Variants in SP140L observed in about 807,000 individuals in gnomAD.
SP140L encodes nuclear body protein SP140-like protein.
SP140L carries 64 observed loss-of-function variants against 84.3 expected under a neutral mutation model. The observed-to-expected ratio is 0.76, with a 90% CI of 0.62 to 0.94. The LOEUF is 0.94. SP140L is among the 40% of genes least tolerant of loss of function. The probability of loss-of-function intolerance (pLI) is 0.00; values close to 1 mark genes in which losing one functional copy is unlikely to be tolerated. For missense variants in SP140L, 628 were observed against 692.5 expected (o/e 0.91, Z 1.05); for synonymous variants, 242 against 236.9 (o/e 1.02, Z -0.20).
chr2:230,328,621 T>A, intron 1 of SP140L, 136 bp from the exon 2 acceptor site: 1 of 1,161,484 alleles, frequency 8.6e-7, no homozygotes, highest in South Asian at 1.9e-5. Flanking sequence ...TAAGCTATAA[T>A]AATGATTATA....
chr2:230,392,006 C>CACAAAA (rs2061830797), intron 11 of SP140L, 81 bp from the exon 12 acceptor site: 5 of 1,583,284 alleles, frequency 3.2e-6, no homozygotes, highest in Non-Finnish European at 4.3e-6. Context: ...TTGGGTGGCT[C>CACAAAA]TAGATCCAAT....
intron 7 of SP140L, among the ~76,000 whole-genome samples, chr2:230,380,573 C>CT (rs1276109847): frequency 6.6e-6 from 1 of 152,138 alleles, no homozygotes; most frequent in African/African-American, 2.4e-5. Context: ...CCATCGAAAT[C>CT]TTTATCAAGA....
At chr2:230,386,425 A>T (rs774001220) in intron 9 of SP140L, among the ~76,000 whole-genome samples, 1 of 151,870 alleles carries the variant, frequency 6.6e-6, no homozygotes, top group Non-Finnish European at 1.5e-5. Flanking sequence ...GAAATTGAAA[A>T]CTCTGTCACA....
In SP140L at chr2:230,361,663, A is replaced by G. The variant is rs2060721346; in HGVS notation, c.489A>G (p.Glu163=). The change falls in exon 5 of 19, where the codon GAA becomes GAG. Residue 163 remains glutamate (E), a synonymous_variant. Transcript: ENST00000415673. The part of the protein sequence containing the change: ...SFQESDRKER[E]ERPDIKLSLK... The stretch of plus-strand genomic sequence containing the variant: ...AAGAAAGTGATCGAAAAGAAAGGGA[A>G]GAGAGGCCTGACATCAAACTAAGTC... The G allele has an allele frequency of 1.9e-6, 3 of 1,563,248 alleles. No homozygotes were observed. Among genetic ancestry groups the G allele is most frequent in the African/African-American group, 1.4e-5 (1 of 73,576 alleles).
chr2:230,368,943 T>C (rs1354934886), intron 5 of SP140L, among the ~76,000 whole-genome samples: 2 of 152,216 alleles, frequency 1.3e-5, no homozygotes, highest in African/African-American at 2.4e-5. Context: ...GTGAAGCAGT[T>C]TGTTATCTTC....
intron 10 of SP140L, among the ~76,000 whole-genome samples, chr2:230,389,525 CTGAT>C (rs1425612498): frequency 6.6e-6 from 1 of 152,138 alleles, no homozygotes; most frequent in Non-Finnish European, 1.5e-5. Flanking sequence ...AAATGGGAGA[CTGAT>C]TATGGTCTCT....
chr2:230,353,545 A>G (rs2060429860), intron 2 of SP140L, among the ~76,000 whole-genome samples: 1 of 152,062 alleles, frequency 6.6e-6, no homozygotes, highest in African/African-American at 2.4e-5. Flanking sequence ...TTAATGGGAA[A>G]TGTTCTGCTT....
intron 5 of SP140L, among the ~76,000 whole-genome samples, chr2:230,368,866 T>G (rs945155058): frequency 4.6e-5 from 7 of 152,384 alleles, no homozygotes; most frequent in African/African-American, 1.7e-4. Context: ...CTGATTTCAG[T>G]GAATTGTTTC....
rs149440629 is a variant in SP140L, at chr2:230,359,575, A to G, written c.439+443A>G. On this transcript the variant is annotated intron_variant, in intron 4 of 18. Transcript: ENST00000415673. ...TCTGTGGGAGTCAATATCTCTTGTA[A>G]CAACCCCATAGTCATAGCTTTCAGG... 1.3e-4 allele frequency among the ~76,000 whole-genome samples: 20 copies of G among 152,300 alleles called. No homozygotes were observed. The East Asian group carries it at 3.9e-3, about 29-fold the overall frequency.
chr2:230,395,675 C>T (rs1046207258), intron 13 of SP140L, among the ~76,000 whole-genome samples: 1 of 152,222 alleles, frequency 6.6e-6, no homozygotes, highest in Admixed American at 6.5e-5. Context: ...GAGACGCACT[C>T]AGTGACAAGG....
intron 2 of SP140L, among the ~76,000 whole-genome samples, chr2:230,347,835 G>T (rs2060254699): frequency 6.6e-6 from 1 of 152,212 alleles, no homozygotes; most frequent in Non-Finnish European, 1.5e-5. Flanking sequence ...GCCAAATAGG[G>T]TCACCAGCTT....
At chr2:230,399,243 C>T (rs2062199359) in intron 14 of SP140L, among the ~76,000 whole-genome samples, 1 of 152,186 alleles carries the variant, frequency 6.6e-6, no homozygotes, top group African/African-American at 2.4e-5. Flanking sequence ...TGTTCCACAA[C>T]ACATGGATGC....
rs1243156747 is a variant in SP140L, at chr2:230,358,978, T to C, written c.285T>C (p.Ser95=). ...TNKMFEDSED[S]CRNLVPVQRV... The stretch of plus-strand genomic sequence containing the variant: ...TATTTTTAAAGGATTCTGAAGATTC[T>C]TGTAGAAACCTGGTCCCTGTACAAA... Residue 95 remains serine (S), a synonymous_variant, in exon 4 of 19, where the codon TCT becomes TCC. Transcript: ENST00000415673. The C allele has an allele frequency of 6.3e-7, 1 of 1,584,786 alleles. No individual in the cohort carries two copies. Among genetic ancestry groups the C allele is most frequent in the African/African-American group, 1.4e-5 (1 of 73,060 alleles).
rs1164557193 is a variant in SP140L, at chr2:230,328,968, T to A, written c.107+137T>A. The A allele has an allele frequency of 3.0e-6, 4 of 1,335,852 alleles. No homozygotes were observed. The East Asian group carries it at 7.7e-5, about 26-fold the overall frequency. 82.7% of individuals were successfully genotyped at this position (1,335,852 alleles called of 1,614,324 possible). A position where few individuals can be genotyped will look rare whatever the true frequency, so the allele number is the denominator to read the frequency against. On this transcript the variant is annotated intron_variant, in intron 2 of 18. Coordinates refer to ENST00000415673, the MANE Select transcript of SP140L (RefSeq NM_138402.6). Reference sequence around the variant, plus strand: ...TTTATTTTTTGCCAATGTGATTCAGTTGAGGTGTTTGTCTTTTTTTCATGA... The same window carrying A: ...TTTATTTTTTGCCAATGTGATTCAGATGAGGTGTTTGTCTTTTTTTCATGA...
chr2:230,354,908 GAAGAAAGAAA>G (rs1287493403), intron 2 of SP140L, among the ~76,000 whole-genome samples: 3 of 111,522 alleles, frequency 2.7e-5, no homozygotes, highest in African/African-American at 9.8e-5. Context: ...GAAAGAGAAA[GAAGAAAGAAA>G]AAGAAAGAAA....
intron 2 of SP140L, 105 bp from the exon 3 acceptor site, chr2:230,357,699 AT>A: frequency 9.1e-7 from 1 of 1,104,388 alleles, no homozygotes; most frequent in Non-Finnish European, 1.3e-6. Context: ...CCTATTTTAT[AT>A]ATGTTGGTTC....
chr2:230,385,255 G>A lies in SP140L; in HGVS notation c.735G>A (p.Ser245=), dbSNP rs755856695. Residue 245 remains serine, a synonymous_variant, in exon 9 of 19, where the codon TCG becomes TCA. Transcript: ENST00000415673. ...DNSKADGQLV[S]SEKKANMNLK... ...GCAAAGCCGATGGCCAGCTGGTCTC[G>A]AGTGAAAAGAAGGCGAACATGAATC... The A allele has an allele frequency of 3.1e-5, 50 of 1,613,648 alleles. No individual in the cohort carries two copies. The highest frequency in any genetic ancestry group is 2.7e-4 in the African/African-American group (20 of 74,868).
At chr2:230,361,579 T>C in intron 4 of SP140L, 35 bp from the exon 5 acceptor site, 3 of 1,507,730 alleles carry the variant, frequency 2.0e-6, no homozygotes, top group Admixed American at 2.0e-5. Flanking sequence ...TTCTCACAGA[T>C]CTTTAATTGC....
intron 14 of SP140L, among the ~76,000 whole-genome samples, chr2:230,397,850 T>G (rs550134561): frequency 6.6e-6 from 1 of 152,256 alleles, no homozygotes; most frequent in African/African-American, 2.4e-5. Context: ...GAGGTCAGTG[T>G]TTGCGTGGCT....
Sources: allele counts gnomAD v4.1 joint callset (sites outside exome capture counted in the v4.1 genomes callset), GRCh38; gene constraint gnomAD v4.1.1; transcripts MANE v1.5; gene names NCBI Gene and HGNC (gene_info 2026-07-23, HGNC 2026-07-21).